ARFGEF2: variants seen among roughly 807,000 people sequenced by gnomAD.
ARFGEF2 encodes the protein brefeldin A-inhibited guanine nucleotide-exchange protein 2.
Under a neutral mutation model 219.9 loss-of-function variants are expected in ARFGEF2, and 74 were observed. The ratio of observed to expected loss-of-function variants is 0.34; its 90% confidence interval spans 0.28 to 0.41. The LOEUF (loss-of-function observed/expected upper bound fraction) is 0.41. Ranked by LOEUF, ARFGEF2 falls within the 10% of genes least tolerant of loss-of-function variation. The probability of loss-of-function intolerance (pLI) is 1.00; values close to 1 mark genes in which losing one functional copy is unlikely to be tolerated. For synonymous variants in ARFGEF2, 733 were observed against 799.2 expected (o/e 0.92, Z 1.40); for missense variants, 1,743 against 2,218.3 (o/e 0.79, Z 4.30).
chr20:48,964,291 G>A (rs1426872735), intron 7 of ARFGEF2, among the ~76,000 whole-genome samples: 1 of 152,200 alleles, frequency 6.6e-6, no homozygotes, highest in Non-Finnish European at 1.5e-5. Context: ...TGTAGTCCCA[G>A]CTATTCGGGA....
intron 20 of ARFGEF2, among the ~76,000 whole-genome samples, chr20:48,990,807 A>G (rs1040578948): frequency 8.5e-5 from 13 of 152,230 alleles, no homozygotes; most frequent in African/African-American, 2.4e-4. Flanking sequence ...ACTGAAGTCA[A>G]TTAGAAAGGA....
chr20:48,984,226 C>T (rs1278056797), intron 14 of ARFGEF2, among the ~76,000 whole-genome samples: 3 of 152,130 alleles, frequency 2.0e-5, no homozygotes, highest in African/African-American at 7.2e-5. Flanking sequence ...AGAGGGTGGC[C>T]TCATGGTATA....
intron 1 of ARFGEF2, 46 bp downstream of exon 1, chr20:48,922,056 C>A: frequency 6.4e-7 from 1 of 1,551,852 alleles, no homozygotes; most frequent in South Asian, 1.2e-5. Context: ...CTCAGCACGT[C>A]GGCCGTTGCC....
intron 22 of ARFGEF2, among the ~76,000 whole-genome samples, chr20:48,995,225 T>G (rs1426467595): frequency 6.6e-6 from 1 of 152,188 alleles, no homozygotes; most frequent in East Asian, 1.9e-4. Flanking sequence ...ATGAGCAGCA[T>G]CATACTGCAA....
intron 4 of ARFGEF2, among the ~76,000 whole-genome samples, chr20:48,951,770 T>A (rs1250326946): frequency 6.6e-6 from 1 of 152,244 alleles, no homozygotes; most frequent in African/African-American, 2.4e-5. Context: ...TCTGGGTTTC[T>A]CAGTGGGTCT....
chr20:48,921,876 G>A lies in ARFGEF2; in HGVS notation c.-14G>A. ...CCCGCCCGCGGGGCCGTCAGCCCCC[G>A]CCGGGCCGGGGCCATGCAGGAGAGC... On this transcript the variant is annotated 5_prime_UTR_variant, in exon 1 of 39. Transcript: ENST00000371917. The A allele has an allele frequency of 1.3e-6, 2 of 1,523,682 alleles. No individual in the cohort carries two copies. Among genetic ancestry groups the A allele is most frequent in the East Asian group, 2.7e-5 (1 of 37,650 alleles). The allele number at this position is 1,523,682 out of a possible 1,614,324, so 94.4% of individuals were successfully genotyped here. A position where few individuals can be genotyped will look rare whatever the true frequency, so the allele number is the denominator to read the frequency against.
At position 48,945,495 on chromosome 20, in the gene ARFGEF2, C is replaced by T. The variant is rs138072373; in HGVS notation, c.276+3508C>T. ...CCTTGCATCTGAGTATGATTTCAAA[C>T]GGAAACACACCCTGCCTTGTTTCAA... On this transcript the variant is annotated intron_variant, in intron 3 of 38. Transcript: ENST00000371917. Among the ~76,000 whole-genome samples the T allele has an allele frequency of 1.0e-3, 153 of 152,264 alleles. 3 individuals are homozygous for T. In the East Asian group the frequency reaches 0.026, roughly 26 times the overall value.
At position 49,033,586 on chromosome 20, in the gene ARFGEF2, A is replaced by G. The variant is rs370619277; in HGVS notation, c.*387A>G. On this transcript the variant is annotated 3_prime_UTR_variant, in exon 39 of 39. Coordinates refer to ENST00000371917, the MANE Select transcript of ARFGEF2 (RefSeq NM_006420.3). ...AGCTGTATAGGTTTGTGATTATTAGAGAATATGTTAATAAAACTTCTTGTA... is the reference window on the plus strand; with the variant it reads ...AGCTGTATAGGTTTGTGATTATTAGGGAATATGTTAATAAAACTTCTTGTA... 2 of 184,646 alleles carry G rather than the reference A, an allele frequency of 1.1e-5. No individual in the cohort carries two copies. Among genetic ancestry groups the G allele is most frequent in the African/African-American group, 2.3e-5 (1 of 42,582 alleles). The allele number at this position is 184,646 out of a possible 1,614,324, so 11.4% of individuals were successfully genotyped here.
At chr20:48,924,018 A>G (rs1039322437) in intron 1 of ARFGEF2, among the ~76,000 whole-genome samples, 6 of 152,262 alleles carry the variant, frequency 3.9e-5, no homozygotes, top group Non-Finnish European at 7.3e-5. Context: ...GGTTGTGCCA[A>G]TGGCATAATA....
chr20:49,016,212 A>C, intron 30 of ARFGEF2, 68 bp from the exon 31 acceptor site: 1 of 1,570,380 alleles, frequency 6.4e-7, no homozygotes, highest in Non-Finnish European at 8.7e-7. Context: ...TTTTGCCAGG[A>C]GTGTACAAGA....
At chr20:49,019,764 A>C (rs1465766654) in intron 34 of ARFGEF2, among the ~76,000 whole-genome samples, 2 of 152,226 alleles carry the variant, frequency 1.3e-5, no homozygotes, top group Non-Finnish European at 2.9e-5. Flanking sequence ...TTCGTATGTT[A>C]AAGCACCACT....
chr20:49,028,163 C>T (rs1010372185), intron 36 of ARFGEF2, among the ~76,000 whole-genome samples: 71 of 152,254 alleles, frequency 4.7e-4, no homozygotes, highest in African/African-American at 1.7e-3. Context: ...GAGGCTGAGG[C>T]AGGAGAATCG....
intron 8 of ARFGEF2, among the ~76,000 whole-genome samples, chr20:48,966,750 A>G (rs2091190048): frequency 6.6e-6 from 1 of 152,128 alleles, no homozygotes; most frequent in Non-Finnish European, 1.5e-5. Flanking sequence ...TTTTTTCCTA[A>G]TCATCATTCC....
intron 6 of ARFGEF2, among the ~76,000 whole-genome samples, chr20:48,959,543 G>T (rs1391504427): frequency 2.4e-3 from 4 of 1,688 alleles, no homozygotes; most frequent in Non-Finnish European, 3.0e-3. Context: ...CCCTCCCTCT[G>T]TCCCTCCTTC....
chr20:48,974,021 A>G (rs527632349), intron 12 of ARFGEF2, among the ~76,000 whole-genome samples: 1 of 151,552 alleles, frequency 6.6e-6, no homozygotes, highest in South Asian at 2.1e-4. Flanking sequence ...TTTAGGGGAT[A>G]CGTTGTATCC....
At chr20:48,961,142 G>T (rs1177432903) in intron 6 of ARFGEF2, among the ~76,000 whole-genome samples, 4 of 145,862 alleles carry the variant, frequency 2.7e-5, no homozygotes, top group African/African-American at 7.4e-5. Context: ...ATTAATTTTA[G>T]CTTACTGTAA....
intron 11 of ARFGEF2, 69 bp downstream of exon 11, chr20:48,972,494 A>G: frequency 8.6e-7 from 1 of 1,167,612 alleles, no homozygotes; most frequent in Non-Finnish European, 1.3e-6. Flanking sequence ...TCAGATTAAG[A>G]CTTCTAACCC....
At chr20:48,969,309 G>C (rs2091210817) in intron 9 of ARFGEF2, 32 bp downstream of exon 9, 1 of 1,613,830 alleles carries the variant, frequency 6.2e-7, no homozygotes, top group African/African-American at 1.3e-5. Flanking sequence ...GCCACCTTCA[G>C]TCCAATGATC....
At chr20:48,983,065 C>T (rs562947671) in intron 14 of ARFGEF2, among the ~76,000 whole-genome samples, 2 of 152,300 alleles carry the variant, frequency 1.3e-5, no homozygotes, top group South Asian at 4.1e-4. Flanking sequence ...CAGAAATCAC[C>T]GTCTTCTGCG....
Sources: gnomAD v4.1 joint callset for allele counts (sites outside exome capture counted in the v4.1 genomes callset) on GRCh38, gnomAD v4.1.1 for gene constraint, MANE v1.5 for transcripts, NCBI Gene and HGNC (gene_info 2026-07-23, HGNC 2026-07-21) for gene names.